The following ACSM3 variants were observed in gnomAD, a reference collection of about 807,000 sequenced individuals.
ACSM3 encodes the protein acyl-CoA synthetase medium chain family member 3, also known as acyl-coenzyme A synthetase ACSM3, mitochondrial.
ACSM3 carries 61 observed loss-of-function variants against 74.1 expected under a neutral mutation model. That is an observed-to-expected ratio of 0.82 (90% confidence interval 0.67 to 1.02). ACSM3 has a LOEUF of 1.02. Ranked by LOEUF, ACSM3 falls within the 50% of genes least tolerant of loss-of-function variation. ACSM3 has a pLI of 0.00. For missense variants in ACSM3, 660 were observed against 697.0 expected, an observed-to-expected ratio of 0.95 and a Z score of 0.60; for synonymous variants, 213 against 241.5, an observed-to-expected ratio of 0.88 and a Z score of 1.09.
chr16:20,781,995 G>A (rs138146688), intron 7 of ACSM3, among the ~76,000 whole-genome samples: 1 of 152,296 alleles, frequency 6.6e-6, no homozygotes, highest in East Asian at 1.9e-4. Context: ...AGAAGAAAGT[G>A]AGGGTTCAGC....
chr16:20,796,048 T>C (rs970543307), intron 12 of ACSM3: 1 of 217,998 alleles, frequency 4.6e-6, no homozygotes, highest in Non-Finnish European at 9.0e-6. Context: ...CACAGCCTTG[T>C]ATAAAGACTG....
At chr16:20,701,088 C>T (rs575714891) in intron 1 of ACSM3, among the ~76,000 whole-genome samples, 1 of 152,188 alleles carries the variant, frequency 6.6e-6, no homozygotes, top group South Asian at 2.1e-4. Context: ...CAGCCTTTGA[C>T]TTCTTCAATA....
chr16:20,747,513 G>A (rs930795041), intron 1 of ACSM3, among the ~76,000 whole-genome samples: 3 of 152,190 alleles, frequency 2.0e-5, no homozygotes, highest in African/African-American at 7.2e-5. Flanking sequence ...CTCAGCCTTT[G>A]GGTGTTAATC....
intron 2 of ACSM3, among the ~76,000 whole-genome samples, chr16:20,754,416 TTAAAA>T (rs2152436307): frequency 6.6e-6 from 1 of 152,280 alleles, no homozygotes; most frequent in South Asian, 2.1e-4. Flanking sequence ...AACTCAGAAT[TTAAAA>T]TAAAATGAAA....
chr16:20,725,974 C>CAA (rs552478048), intron 1 of ACSM3, among the ~76,000 whole-genome samples: 1 of 143,308 alleles, frequency 7.0e-6, no homozygotes, highest in East Asian at 2.0e-4. Context: ...ACTCCATTTC[C>CAA]AAAAAAAAAA....
intron 2 of ACSM3, among the ~76,000 whole-genome samples, chr16:20,773,397 T>G (rs2080217357): frequency 6.6e-6 from 1 of 152,166 alleles, no homozygotes; most frequent in Non-Finnish European, 1.5e-5. Flanking sequence ...TCTACTAATT[T>G]TGGATTTAGT....
chr16:20,710,735 G>A (rs942480111), intron 1 of ACSM3, among the ~76,000 whole-genome samples: 1 of 152,070 alleles, frequency 6.6e-6, no homozygotes, highest in African/African-American at 2.4e-5. Flanking sequence ...AGGATTGAGT[G>A]AAATATTGCT....
intron 1 of ACSM3, among the ~76,000 whole-genome samples, chr16:20,718,004 A>AGAG (rs2079770870): frequency 6.7e-6 from 1 of 149,946 alleles, no homozygotes; most frequent in African/African-American, 2.5e-5. Flanking sequence ...AAGAAGAAGA[A>AGAG]GAAGAAGAAG....
intron 1 of ACSM3, chr16:20,741,722 C>T (rs1299373972): frequency 9.5e-6 from 15 of 1,574,600 alleles, no homozygotes; most frequent in Non-Finnish European, 1.1e-5. Flanking sequence ...GAGTAGTCTG[C>T]TGGGCAGGGG....
At chr16:20,678,302 A>C (rs568670075) in intron 1 of ACSM3, among the ~76,000 whole-genome samples, 7 of 152,304 alleles carry the variant, frequency 4.6e-5, no homozygotes, top group African/African-American at 1.7e-4. Context: ...AAAACACACA[A>C]AAAAACAGCA....
chr16:20,734,485 C>G (rs1024420755), intron 1 of ACSM3: 1 of 152,256 alleles, frequency 6.6e-6, no homozygotes, highest in African/African-American at 2.4e-5. Context: ...GTTTACCAAA[C>G]AGAACCACCA....
At chr16:20,736,702 C>A (rs1182049519) in intron 1 of ACSM3, 3 of 647,370 alleles carry the variant, frequency 4.6e-6, no homozygotes, top group African/African-American at 1.8e-5. Flanking sequence ...ACCATAAAGG[C>A]TGAAAGATCC....
In ACSM3 at chr16:20,775,855, C is replaced by T; in HGVS notation, c.236C>T (p.Ser79Leu). The T allele has an allele frequency of 6.2e-7, 1 of 1,614,172 alleles. No homozygotes were observed. The highest frequency in any genetic ancestry group is 8.5e-7 in the Non-Finnish European group (1 of 1,180,014). Residue 79 changes from serine (S) to leucine (L), a missense_variant, in exon 3 of 14, where the codon TCA (serine) becomes TTA (leucine). Ser to Leu is a moderately radical substitution (Grantham distance 145, BLOSUM62 -2). Coordinates refer to ENST00000289416, the MANE Select transcript of ACSM3 (RefSeq NM_005622.4). Reference sequence around the variant, plus strand: ...TTTCCTCAGGCTGGAAAGAAACCTTCAAATCCAGCCTTCTGGTGGATCAAC... The same window carrying T: ...TTTCCTCAGGCTGGAAAGAAACCTTTAAATCCAGCCTTCTGGTGGATCAAC... The part of the protein sequence containing the change: ...TDKEKAGKKP[S>L]NPAFWWINRN...
chr16:20,717,564 CCT>C (rs2079766825), intron 1 of ACSM3, among the ~76,000 whole-genome samples: 1 of 152,174 alleles, frequency 6.6e-6, no homozygotes, highest in Non-Finnish European at 1.5e-5. Context: ...CTGCACATGG[CCT>C]CTTTCTCCAT....
intron 1 of ACSM3, chr16:20,738,870 G>A (rs753208761): frequency 3.1e-6 from 5 of 1,610,032 alleles, no homozygotes; most frequent in Non-Finnish European, 3.4e-6. Flanking sequence ...TTATGAGATC[G>A]ATAATCTTAG....
chr16:20,773,959 GT>G (rs2080223943), intron 2 of ACSM3, among the ~76,000 whole-genome samples: 1 of 152,152 alleles, frequency 6.6e-6, no homozygotes, highest in Admixed American at 6.5e-5. Context: ...AGGGTAGAGT[GT>G]TAAAGTCCTG....
intron 1 of ACSM3, among the ~76,000 whole-genome samples, chr16:20,684,342 T>C (rs889130289): frequency 6.6e-6 from 1 of 152,226 alleles, no homozygotes; most frequent in Non-Finnish European, 1.5e-5. Context: ...ATGAATTATT[T>C]ATTAATTACA....
intron 1 of ACSM3, chr16:20,679,951 A>G (rs2079404485): frequency 6.6e-6 from 1 of 152,132 alleles, no homozygotes; most frequent in Admixed American, 6.5e-5. Context: ...TATGCTGCAT[A>G]TGTTCACAAT....
upstream of ACSM3, among the ~76,000 whole-genome samples, chr16:20,760,879 G>T (rs2080071225): frequency 6.6e-6 from 1 of 151,940 alleles, no homozygotes. Context: ...TTCTCTTTGA[G>T]GCCTGCTACC....
Sources: allele counts gnomAD v4.1 joint callset (sites outside exome capture counted in the v4.1 genomes callset), GRCh38; gene constraint gnomAD v4.1.1; transcripts MANE v1.5; gene names NCBI Gene and HGNC (gene_info 2026-07-23, HGNC 2026-07-21).